Variants in AHCY observed in about 807,000 individuals in gnomAD.
AHCY encodes adenosylhomocysteinase, also known as S-adenosyl-L-homocysteine hydrolase.
AHCY carries 24 observed loss-of-function variants against 45.4 expected under a neutral mutation model. The observed-to-expected ratio is 0.53, with a 90% CI of 0.38 to 0.74. The LOEUF is 0.74. Among genes scored for constraint, AHCY ranks in the 30% least tolerant of loss-of-function variants. The pLI, the probability that AHCY is intolerant of heterozygous loss-of-function variation, is 0.00. For missense variants in AHCY, 449 were observed against 594.1 expected (o/e 0.76, Z 2.54); for synonymous variants, 245 against 235.1 (o/e 1.04, Z -0.39).
At chr20:34,293,088 C>G (rs181246080) in intron 3 of AHCY, among the ~76,000 whole-genome samples, 4 of 152,252 alleles carry the variant, frequency 2.6e-5, no homozygotes, top group African/African-American at 9.6e-5. Flanking sequence ...TTGCTTTCTG[C>G]CAGACATGAC....
chr20:34,232,944 A>G, the AHCY span, among the ~76,000 whole-genome samples: 3 of 152,172 alleles, frequency 2.0e-5, no homozygotes, highest in African/African-American at 7.2e-5. Context: ...CATAGAGAAC[A>G]TTAACTGTTC....
chr20:34,269,841 G>A, the AHCY span, among the ~76,000 whole-genome samples: 1 of 149,780 alleles, frequency 6.7e-6, no homozygotes, highest in Non-Finnish European at 1.5e-5. Flanking sequence ...CTACTTGGGA[G>A]GCTGAGGCAG....
At chr20:34,292,933 C>A (rs964441096) in intron 3 of AHCY, among the ~76,000 whole-genome samples, 1 of 152,062 alleles carries the variant, frequency 6.6e-6, no homozygotes, top group South Asian at 2.1e-4. Flanking sequence ...CCCCACAACG[C>A]CTCCCCCTCA....
chr20:34,250,953 A>G, the AHCY span, among the ~76,000 whole-genome samples: 3 of 152,096 alleles, frequency 2.0e-5, no homozygotes, highest in Non-Finnish European at 2.9e-5. Context: ...CTCAGGGATG[A>G]TCTCAACACT....
the AHCY span, chr20:34,241,464 G>T: frequency 2.0e-6 from 2 of 985,294 alleles, no homozygotes; most frequent in East Asian, 1.1e-4. Flanking sequence ...GAAGTTCCTT[G>T]GCCTGGGCTC....
Position 34,281,170 on chromosome 20 carries a change from G to A in AHCY, c.1168-5C>T, listed in dbSNP as rs1205748381. ...TTCAGCCACTGCCTCATCCAGCTGG[G>A]GAGAAACAAAGGAAGACCGGGAATC... On this transcript the variant is annotated splice_polypyrimidine_tract_variant and splice_region_variant and intron_variant, in intron 9 of 9. Coordinates refer to ENST00000217426, the MANE Select transcript of AHCY (RefSeq NM_000687.4). 6.8e-6 allele frequency: 11 copies of A among 1,612,780 alleles called. No individual in the cohort carries two copies. The highest frequency in any genetic ancestry group is 7.6e-6 in the Non-Finnish European group (9 of 1,179,946).
intron 2 of AHCY, among the ~76,000 whole-genome samples, chr20:34,294,644 G>C (rs2122779420): frequency 6.6e-6 from 1 of 152,268 alleles, no homozygotes; most frequent in East Asian, 1.9e-4. Flanking sequence ...ATTTACTCAG[G>C]TGGGGAAGGC....
At chr20:34,261,720 T>G in the AHCY span, among the ~76,000 whole-genome samples, 2 of 152,286 alleles carry the variant, frequency 1.3e-5, no homozygotes, top group South Asian at 2.1e-4. Flanking sequence ...GAGGATTGCT[T>G]GAGCCCAGGA....
chr20:34,254,491 G>A, the AHCY span, among the ~76,000 whole-genome samples: 8 of 152,072 alleles, frequency 5.3e-5, no homozygotes, highest in Non-Finnish European at 7.4e-5. Context: ...AAAAGTATAA[G>A]GTTTTGTTCC....
intron 1 of AHCY, among the ~76,000 whole-genome samples, chr20:34,300,421 C>T (rs1040163402): frequency 6.6e-6 from 1 of 152,212 alleles, no homozygotes; most frequent in African/African-American, 2.4e-5. Context: ...CTGCCTGCCC[C>T]TCCTCCATCT....
the AHCY span, among the ~76,000 whole-genome samples, chr20:34,261,078 A>G: frequency 1.3e-5 from 2 of 152,262 alleles, no homozygotes; most frequent in Admixed American, 1.3e-4. Context: ...GCTTAGGAGA[A>G]TTAAGTAACT....
intron 1 of AHCY, among the ~76,000 whole-genome samples, chr20:34,301,042 G>A (rs2036752974): frequency 6.6e-6 from 1 of 152,176 alleles, no homozygotes; most frequent in African/African-American, 2.4e-5. Context: ...CATGAGAGGG[G>A]CTGGCACGTG....
chr20:34,301,437 A>T (rs2122822575), intron 1 of AHCY, among the ~76,000 whole-genome samples: 1 of 152,332 alleles, frequency 6.6e-6, no homozygotes, highest in Admixed American at 6.5e-5. Context: ...AGGACTTGCA[A>T]AAGTCACAGG....
chr20:34,287,380 TTATTA>T (rs2036222800), intron 8 of AHCY, among the ~76,000 whole-genome samples: 1 of 133,560 alleles, frequency 7.5e-6, no homozygotes, highest in African/African-American at 2.5e-5. Context: ...CTTTTTTATT[TTATTA>T]ATTTTTTTTT....
intron 1 of AHCY, 132 bp downstream of exon 1, chr20:34,303,111 C>A: frequency 6.7e-7 from 1 of 1,486,130 alleles, no homozygotes; most frequent in East Asian, 2.5e-5. Flanking sequence ...TGGCTTCGCG[C>A]GGCCAGAAAC....
chr20:34,294,450 G>A (rs1204310413), intron 2 of AHCY, among the ~76,000 whole-genome samples: 1 of 152,230 alleles, frequency 6.6e-6, no homozygotes, highest in Non-Finnish European at 1.5e-5. Flanking sequence ...AAATATGACA[G>A]TAGCAGTGGA....
chr20:34,236,046 AAAGG>A, the AHCY span, among the ~76,000 whole-genome samples: 3 of 145,016 alleles, frequency 2.1e-5, no homozygotes, highest in Admixed American at 6.8e-5. Context: ...AAGAAACAGA[AAAGG>A]AAGGAAGGAG....
the AHCY span, among the ~76,000 whole-genome samples, chr20:34,239,618 T>C: frequency 6.6e-6 from 1 of 152,226 alleles, no homozygotes; most frequent in African/African-American, 2.4e-5. Context: ...CCCAGTGTGG[T>C]TGGTAGATGA....
chr20:34,245,227 A>G, the AHCY span, among the ~76,000 whole-genome samples: 1 of 149,900 alleles, frequency 6.7e-6, no homozygotes, highest in Admixed American at 6.7e-5. Flanking sequence ...CCAGCTACTC[A>G]GGAGACTGAG....
Sources: allele counts gnomAD v4.1 joint callset (sites outside exome capture counted in the v4.1 genomes callset), GRCh38; gene constraint gnomAD v4.1.1; transcripts MANE v1.5; gene names NCBI Gene and HGNC (gene_info 2026-07-23, HGNC 2026-07-21).